COXFA4L2: variants seen among roughly 807,000 people sequenced by gnomAD.
COXFA4L2 encodes cytochrome c oxidase hypoxia associated subunit FA4L2.
the COXFA4L2 span, chr12:57,237,170 A>T: frequency 6.2e-7 from 1 of 1,612,540 alleles, no homozygotes; most frequent in Admixed American, 1.7e-5. Flanking sequence ...GGGAGGGATC[A>T]GCCCAGCCCA....
the COXFA4L2 span, chr12:57,236,820 C>T: frequency 1.1e-6 from 1 of 897,648 alleles, no homozygotes; most frequent in Non-Finnish European, 1.7e-6. Context: ...AACCATATTT[C>T]CTGGCATGGT....
chr12:57,235,771 A>G, the COXFA4L2 span: 1 of 1,580,508 alleles, frequency 6.3e-7, no homozygotes, highest in South Asian at 1.2e-5. Context: ...ATTGGGGCTC[A>G]GGCGGTTCCA....
the COXFA4L2 span, chr12:57,235,535 T>G: frequency 6.2e-7 from 1 of 1,611,524 alleles, no homozygotes; most frequent in South Asian, 1.1e-5. Flanking sequence ...TGGCTGTGGC[T>G]TGCATGGCAC....
At chr12:57,237,285 T>TAATGATAC in the COXFA4L2 span, 3 of 1,436,970 alleles carry the variant, frequency 2.1e-6, no homozygotes, top group South Asian at 1.5e-5. Context: ...GGGAATTGTC[T>TAATGATAC]GGGAGCCAAG....
chr12:57,240,668 GAC>G, the COXFA4L2 span: 1 of 985,510 alleles, frequency 1.0e-6, no homozygotes, highest in Non-Finnish European at 1.2e-6. Context: ...CTGTCACTGA[GAC>G]ACACATACCT....
the COXFA4L2 span, chr12:57,237,311 G>A: frequency 3.5e-6 from 5 of 1,427,940 alleles, no homozygotes; most frequent in East Asian, 2.5e-5. Flanking sequence ...TCTGCTCTCC[G>A]ACTCTCTCCT....
At chr12:57,236,639 C>G in the COXFA4L2 span, 1 of 1,582,990 alleles carries the variant, frequency 6.3e-7, no homozygotes, top group Non-Finnish European at 8.6e-7. Context: ...TAAAGCGCAG[C>G]GCTGCCCATG....
chr12:57,237,482 AC>A, the COXFA4L2 span: 1 of 532,786 alleles, frequency 1.9e-6, no homozygotes, highest in Non-Finnish European at 2.8e-6. Flanking sequence ...CACAGGTGGG[AC>A]CAGGAGGGGC....
the COXFA4L2 span, chr12:57,235,571 C>T: frequency 6.2e-7 from 1 of 1,613,874 alleles, no homozygotes. Flanking sequence ...GCTTAGAAGT[C>T]TGGCCGGTCC....
the COXFA4L2 span, chr12:57,235,871 A>G: frequency 7.0e-7 from 1 of 1,431,814 alleles, no homozygotes; most frequent in East Asian, 2.4e-5. Flanking sequence ...TCTGTAACCC[A>G]ATTTGACCCC....
chr12:57,237,325 G>T, the COXFA4L2 span: 11 of 1,421,210 alleles, frequency 7.7e-6, no homozygotes, highest in African/African-American at 1.6e-4. Context: ...CTCTCCTCCA[G>T]ATGTCTGCAC....
chr12:57,236,504 C>T, the COXFA4L2 span: 3 of 1,126,516 alleles, frequency 2.7e-6, no homozygotes, highest in Non-Finnish European at 2.5e-6. Context: ...GTGCATGCAG[C>T]AGGGCACGGG....
the COXFA4L2 span, chr12:57,235,791 G>T: frequency 4.4e-5 from 69 of 1,557,564 alleles, no homozygotes; most frequent in East Asian, 1.6e-3. Context: ...AGGGCTCCGG[G>T]TTGTTCTTTC....
At chr12:57,239,139 C>T in the COXFA4L2 span, among the ~76,000 whole-genome samples, 1 of 152,256 alleles carries the variant, frequency 6.6e-6, no homozygotes, top group African/African-American at 2.4e-5. The surrounding 1 kb of genome is among the most constrained non-coding windows in gnomAD (Gnocchi z 5.5). Flanking sequence ...ACCAGGATCC[C>T]AATCCGCGCG....
At chr12:57,238,133 C>A in the COXFA4L2 span, among the ~76,000 whole-genome samples, 3 of 152,094 alleles carry the variant, frequency 2.0e-5, no homozygotes, top group Non-Finnish European at 4.4e-5. This position sits in a 1 kb window ranked among gnomAD's most constrained non-coding sequence, Gnocchi z 6.8. Context: ...CTGCAGAGCA[C>A]CTCCCCCTCC....
At chr12:57,236,175 G>T in the COXFA4L2 span, 1 of 329,316 alleles carries the variant, frequency 3.0e-6, no homozygotes, top group Non-Finnish European at 5.5e-6. Context: ...ATAAAGCCAT[G>T]GGTGCGCCTT....
chr12:57,240,225 C>G, the COXFA4L2 span: 1 of 152,126 alleles, frequency 6.6e-6, no homozygotes. Context: ...GGTGAGCGAA[C>G]GAGTGAGACA....
At chr12:57,236,335 C>T in the COXFA4L2 span, 2 of 475,672 alleles carry the variant, frequency 4.2e-6, no homozygotes, top group Non-Finnish European at 3.7e-6. Flanking sequence ...GCTGGCTGAG[C>T]GGCGTCGTCA....
chr12:57,235,824 G>T, the COXFA4L2 span: 46 of 1,527,846 alleles, frequency 3.0e-5, no homozygotes, highest in Admixed American at 6.1e-5. Context: ...GGAGCAGGAG[G>T]GGGGAGGGTT....
Sources: allele counts gnomAD v4.1 joint callset (sites outside exome capture counted in the v4.1 genomes callset), GRCh38; gene constraint gnomAD v4.1.1; non-coding constraint Gnocchi (gnomAD v3.1); transcripts MANE v1.5; gene names NCBI Gene and HGNC (gene_info 2026-07-23, HGNC 2026-07-21).